The following FHIT variants were observed in gnomAD, a reference collection of about 807,000 sequenced individuals.
FHIT encodes the protein bis(5'-adenosyl)-triphosphatase.
FHIT carries 19 observed loss-of-function variants against 17.9 expected under a neutral mutation model. The ratio of observed to expected loss-of-function variants is 1.06; its 90% CI spans 0.74 to 1.56. The LOEUF (loss-of-function observed/expected upper bound fraction) is 1.56. Ranked by LOEUF, FHIT falls within the 40% of genes most tolerant of loss-of-function variation. The pLI, the probability that FHIT is intolerant of heterozygous loss-of-function variation, is 0.00. For synonymous variants in FHIT, 81 were observed against 69.7 expected, an observed-to-expected ratio of 1.16 and a Z score of -0.81; for missense variants, 248 against 189.2, an observed-to-expected ratio of 1.31 and a Z score of -1.82.
At chr3:60,729,497 G>C (rs932549669) in intron 4 of FHIT, among the ~76,000 whole-genome samples, 4 of 152,126 alleles carry the variant, frequency 2.6e-5, no homozygotes, top group South Asian at 2.1e-4. Context: ...AGCAAAACTT[G>C]AAAACAAAGT....
intron 5 of FHIT, among the ~76,000 whole-genome samples, chr3:60,452,275 C>T (rs1004369950): frequency 6.6e-6 from 1 of 152,134 alleles, no homozygotes; most frequent in African/African-American, 2.4e-5. Flanking sequence ...TTCCTGAGCA[C>T]TGCACCAAGC....
chr3:60,564,220 A>T (rs1462838791), intron 4 of FHIT, among the ~76,000 whole-genome samples: 1 of 152,172 alleles, frequency 6.6e-6, no homozygotes, highest in Non-Finnish European at 1.5e-5. Flanking sequence ...CTGTTGCATG[A>T]TTTACTGAAT....
At chr3:61,142,590 CA>C (rs1325811764) in intron 2 of FHIT, among the ~76,000 whole-genome samples, 1 of 152,176 alleles carries the variant, frequency 6.6e-6, no homozygotes, top group Non-Finnish European at 1.5e-5. Context: ...CATGGCATAA[CA>C]ATAGGATGGA....
At chr3:59,918,464 C>A (rs569596296) in intron 8 of FHIT, among the ~76,000 whole-genome samples, 2 of 152,056 alleles carry the variant, frequency 1.3e-5, no homozygotes, top group African/African-American at 4.8e-5. Flanking sequence ...GTGAAAAGGA[C>A]CCTTTGAGGA....
chr3:60,334,262 T>C (rs1295088235), intron 5 of FHIT, among the ~76,000 whole-genome samples: 2 of 152,224 alleles, frequency 1.3e-5, no homozygotes, highest in Non-Finnish European at 2.9e-5. Flanking sequence ...GAGTCACTTC[T>C]AGCATCCATC....
At chr3:60,982,727 T>A (rs1710548974) in intron 3 of FHIT, among the ~76,000 whole-genome samples, 1 of 152,208 alleles carries the variant, frequency 6.6e-6, no homozygotes, top group Non-Finnish European at 1.5e-5. Context: ...CATTATTTTC[T>A]TTCTTTGGCT....
chr3:61,125,075 G>A (rs1164405889), intron 2 of FHIT, among the ~76,000 whole-genome samples: 1 of 152,074 alleles, frequency 6.6e-6, no homozygotes, highest in African/African-American at 2.4e-5. Flanking sequence ...TACAGTGTGA[G>A]GTTAATGTAG....
intron 3 of FHIT, among the ~76,000 whole-genome samples, chr3:60,924,899 C>G (rs1317883111): frequency 1.3e-5 from 2 of 152,140 alleles, no homozygotes; most frequent in East Asian, 3.9e-4. Flanking sequence ...GGCACCAGAA[C>G]TACGTGACGA....
intron 4 of FHIT, among the ~76,000 whole-genome samples, chr3:60,739,177 G>A (rs2042194881): frequency 6.6e-6 from 1 of 152,156 alleles, no homozygotes; most frequent in South Asian, 2.1e-4. Flanking sequence ...TAAAACCCCT[G>A]CATGCATCCT....
At chr3:59,981,248 T>A (rs1708641584) in intron 7 of FHIT, among the ~76,000 whole-genome samples, 1 of 152,188 alleles carries the variant, frequency 6.6e-6, no homozygotes, top group South Asian at 2.1e-4. Flanking sequence ...CACATTTTTT[T>A]TAAATTTTAA....
At chr3:60,886,231 C>A (rs551235565) in intron 3 of FHIT, among the ~76,000 whole-genome samples, 2 of 152,252 alleles carry the variant, frequency 1.3e-5, no homozygotes, top group African/African-American at 2.4e-5. Flanking sequence ...GGCCAATTGC[C>A]AAGCAGAGCA....
chr3:60,617,339 G>C (rs2038980892), intron 4 of FHIT: 1 of 198,206 alleles, frequency 5.0e-6, no homozygotes. Flanking sequence ...CCTCTACTCA[G>C]CTGGATTTAC....
chr3:60,134,227 T>C (rs1699713984), intron 5 of FHIT, among the ~76,000 whole-genome samples: 1 of 152,156 alleles, frequency 6.6e-6, no homozygotes, highest in African/African-American at 2.4e-5. Flanking sequence ...TAGGAAAATA[T>C]CCATGACACT....
chr3:60,874,849 C>T (rs1264191358), intron 3 of FHIT, among the ~76,000 whole-genome samples: 3 of 152,086 alleles, frequency 2.0e-5, no homozygotes, highest in African/African-American at 7.2e-5. Context: ...ATGATCATGA[C>T]CTCTGAAATA....
rs184497421 is a variant in FHIT at position 60,593,671 on chromosome 3, T to C, written c.-17-56692A>G. On this transcript the variant is annotated intron_variant, in intron 4 of 9. Coordinates refer to ENST00000492590, the MANE Select transcript of FHIT (RefSeq NM_002012.4). Reference sequence around the variant, plus strand: ...ATAATTGTCTGACACTATGTCTGACTATCTGTTCCTCCATTCTATTGATCT... The same window carrying C: ...ATAATTGTCTGACACTATGTCTGACCATCTGTTCCTCCATTCTATTGATCT... Among the ~76,000 whole-genome samples the C allele has an allele frequency of 6.4e-3, 968 of 152,264 alleles. 4 individuals are homozygous for C. Among genetic ancestry groups the C allele is most frequent in the Non-Finnish European group, 0.011 (745 of 68,002 alleles).
At chr3:60,971,424 T>C (rs934802837) in intron 3 of FHIT, among the ~76,000 whole-genome samples, 2 of 152,336 alleles carry the variant, frequency 1.3e-5, no homozygotes, top group Middle Eastern at 3.4e-3. Flanking sequence ...TAACCATTTT[T>C]ATAGGTATTT....
At chr3:60,411,118 G>A (rs554779012) in intron 5 of FHIT, among the ~76,000 whole-genome samples, 2 of 152,148 alleles carry the variant, frequency 1.3e-5, no homozygotes, top group East Asian at 1.9e-4. Flanking sequence ...AAGGATTTCT[G>A]TCTGCACCAT....
At chr3:61,190,253 A>G (rs1255969266) in intron 2 of FHIT, among the ~76,000 whole-genome samples, 3 of 152,182 alleles carry the variant, frequency 2.0e-5, no homozygotes, top group Admixed American at 2.0e-4. Context: ...AAACAACCCC[A>G]TCAACAAGTG....
chr3:60,602,030 A>T (rs569786923), intron 4 of FHIT, among the ~76,000 whole-genome samples: 2 of 151,304 alleles, frequency 1.3e-5, no homozygotes, highest in African/African-American at 4.8e-5. Flanking sequence ...TCAAGCAAAC[A>T]AAGTAAGCAT....
Sources: gnomAD v4.1 joint callset for allele counts (sites outside exome capture counted in the v4.1 genomes callset) on GRCh38, gnomAD v4.1.1 for gene constraint, MANE v1.5 for transcripts, NCBI Gene and HGNC (gene_info 2026-07-23, HGNC 2026-07-21) for gene names.